Variants in SPOPL observed in about 807,000 individuals in gnomAD.
The protein encoded by SPOPL is speckle type BTB/POZ protein like, also known as speckle-type POZ protein-like.
SPOPL carries 23 observed loss-of-function variants against 53.8 expected under a neutral mutation model. The ratio of observed to expected loss-of-function variants is 0.43; its 90% CI spans 0.31 to 0.61. The LOEUF is 0.61. Ranked by LOEUF, SPOPL falls within the 20% of genes least tolerant of loss-of-function variation. The pLI, the probability that SPOPL is intolerant of heterozygous loss-of-function variation, is 0.12. For missense variants in SPOPL, 442 were observed against 466.9 expected, an observed-to-expected ratio of 0.95 and a Z score of 0.49; for synonymous variants, 164 against 149.7, an observed-to-expected ratio of 1.10 and a Z score of -0.70.
chr2:138,514,641 A>T (rs1684400846), intron 1 of SPOPL, among the ~76,000 whole-genome samples: 1 of 152,134 alleles, frequency 6.6e-6, no homozygotes. Context: ...GCCGTCATGA[A>T]TAGAGTCCCT....
intron 1 of SPOPL, among the ~76,000 whole-genome samples, chr2:138,507,733 AT>A (rs559655667): frequency 6.6e-6 from 1 of 152,008 alleles, no homozygotes; most frequent in Non-Finnish European, 1.5e-5. Flanking sequence ...TCTTTTTTGG[AT>A]TTTTTTTATT....
intron 3 of SPOPL, 103 bp from the exon 4 acceptor site, chr2:138,550,799 AC>A: frequency 1.4e-6 from 2 of 1,434,556 alleles, no homozygotes; most frequent in Non-Finnish European, 1.9e-6. Flanking sequence ...TGACATTAAC[AC>A]ATGATTTCAG....
Position 138,551,128 on chromosome 2 carries a change from A to G in SPOPL, c.352+74A>G, listed in dbSNP as rs1685306291. The G allele has an allele frequency of 2.0e-6, 3 of 1,532,342 alleles. No individual in the cohort carries two copies. In the South Asian group the frequency reaches 3.8e-5, roughly 19 times the overall value. 94.9% of individuals were successfully genotyped at this position (1,532,342 alleles called of 1,614,324 possible). A position where few individuals can be genotyped will look rare whatever the true frequency, so the allele number is the denominator to read the frequency against. On this transcript the variant is annotated intron_variant, in intron 4 of 10. Coordinates refer to ENST00000280098, the MANE Select transcript of SPOPL (RefSeq NM_001001664.3). Reference sequence around the variant, plus strand: ...TATGACTTCTTCTGCACCTTTACCTAGAAAAGTCTGGGACTTTTTTCTGCT... The same window carrying G: ...TATGACTTCTTCTGCACCTTTACCTGGAAAAGTCTGGGACTTTTTTCTGCT...
chr2:138,509,933 CT>C (rs1176477138), intron 1 of SPOPL, among the ~76,000 whole-genome samples: 2 of 152,202 alleles, frequency 1.3e-5, no homozygotes, highest in African/African-American at 4.8e-5. Flanking sequence ...CCTGCAACCC[CT>C]GACAACCATT....
chr2:138,550,031 T>A (rs185215324), intron 1 of SPOPL, 126 bp from the exon 2 acceptor site: 149 of 492,186 alleles, frequency 3.0e-4, no homozygotes, highest in Admixed American at 9.9e-4. Flanking sequence ...TATCTAAAAT[T>A]CTCACATGTT....
chr2:138,522,216 G>A (rs955019751), intron 1 of SPOPL, among the ~76,000 whole-genome samples: 4 of 152,120 alleles, frequency 2.6e-5, no homozygotes, highest in African/African-American at 7.2e-5. Flanking sequence ...CTTGAGGGGG[G>A]ATTGTTGCTT....
intron 1 of SPOPL, among the ~76,000 whole-genome samples, chr2:138,541,948 G>A (rs1330374551): frequency 2.0e-5 from 3 of 152,012 alleles, no homozygotes; most frequent in South Asian, 2.1e-4. Context: ...CTTTGTTCTC[G>A]TTGGTTTCAA....
chr2:138,508,114 T>A (rs1684253396), intron 1 of SPOPL, among the ~76,000 whole-genome samples: 1 of 152,194 alleles, frequency 6.6e-6, no homozygotes, highest in Non-Finnish European at 1.5e-5. Context: ...CCCTGATAGC[T>A]TAAATGTTAT....
At chr2:138,539,828 C>T (rs1433145585) in intron 1 of SPOPL, among the ~76,000 whole-genome samples, 1 of 152,188 alleles carries the variant, frequency 6.6e-6, no homozygotes, top group African/African-American at 2.4e-5. Flanking sequence ...CTTGCCCATG[C>T]GTATGTCCTG....
chr2:138,550,291 A>T lies in SPOPL; in HGVS notation c.75A>T (p.Thr25=), dbSNP rs776742901. The T allele has an allele frequency of 1.2e-6, 2 of 1,613,512 alleles. No homozygotes were observed. Among genetic ancestry groups the T allele is most frequent in the East Asian group, 4.5e-5 (2 of 44,862 alleles). The change falls in exon 2 of 11, where the codon ACA becomes ACT. Residue 25 remains threonine (T), a synonymous_variant. Transcript: ENST00000280098. ...CCATAGCAGAAAGCTGGTGTTACAC[A>T]CAGGTACATGCTCTTAAAAATCCCT... ...TGPIAESWCY[T]QVKVVKFSYM...
intron 1 of SPOPL, among the ~76,000 whole-genome samples, chr2:138,536,651 GT>G (rs147425780): frequency 1.3e-5 from 2 of 150,964 alleles, no homozygotes; most frequent in African/African-American, 4.9e-5. Flanking sequence ...GTCTTTTCCT[GT>G]TTTTTTTTGG....
intron 1 of SPOPL, among the ~76,000 whole-genome samples, chr2:138,547,859 G>T (rs541352952): frequency 5.9e-5 from 9 of 151,968 alleles, no homozygotes; most frequent in African/African-American, 2.2e-4. Context: ...GTCTTGTTAG[G>T]CATACTGTTT....
chr2:138,524,811 T>C (rs1345389017), intron 1 of SPOPL, among the ~76,000 whole-genome samples: 1 of 152,252 alleles, frequency 6.6e-6, no homozygotes, highest in Non-Finnish European at 1.5e-5. Flanking sequence ...ATTAGCATTT[T>C]GGTCAAAGCC....
intron 1 of SPOPL, among the ~76,000 whole-genome samples, chr2:138,503,491 G>A (rs1241389604): frequency 2.0e-5 from 3 of 152,204 alleles, no homozygotes; most frequent in South Asian, 2.1e-4. Flanking sequence ...AGACAGGAAG[G>A]TGGGAATGGA....
At chr2:138,506,667 AGGG>A (rs909812489) in intron 1 of SPOPL, among the ~76,000 whole-genome samples, 1 of 152,052 alleles carries the variant, frequency 6.6e-6, no homozygotes. Context: ...GTTTCAGGGA[AGGG>A]GGAGGTATTG....
intron 1 of SPOPL, among the ~76,000 whole-genome samples, chr2:138,526,727 ATT>A (rs34816039): frequency 2.5e-4 from 35 of 140,678 alleles, no homozygotes; most frequent in African/African-American, 5.8e-4. Flanking sequence ...AGAGTATGGA[ATT>A]TTTTTTTTTT....
chr2:138,566,403 T>G (rs1362891682), intron 10 of SPOPL, among the ~76,000 whole-genome samples: 1 of 152,192 alleles, frequency 6.6e-6, no homozygotes, highest in African/African-American at 2.4e-5. Flanking sequence ...TCAAAAAAAA[T>G]AGCTTGTTTT....
At chr2:138,527,591 TAA>T (rs1684703202) in intron 1 of SPOPL, among the ~76,000 whole-genome samples, 4 of 152,352 alleles carry the variant, frequency 2.6e-5, no homozygotes, top group Non-Finnish European at 2.9e-5. Context: ...AATTGTACTT[TAA>T]GAGAAATTTT....
rs1397750668 is a variant in SPOPL, at chr2:138,573,547, A to G, written c.*4467A>G. ...GTCTTAATTTCAGTTATCCCAGACAATTTAATCATTTGATGCTATCAGAAA... is the reference window on the plus strand; with the variant it reads ...GTCTTAATTTCAGTTATCCCAGACAGTTTAATCATTTGATGCTATCAGAAA... On this transcript the variant is annotated 3_prime_UTR_variant, in exon 11 of 11. Coordinates refer to ENST00000280098, the MANE Select transcript of SPOPL (RefSeq NM_001001664.3). 6.6e-6 allele frequency: 1 copy of G among 152,158 alleles called. No individual in the cohort carries two copies. The highest frequency in any genetic ancestry group is 1.5e-5 in the Non-Finnish European group (1 of 68,016). 9.4% of individuals were successfully genotyped at this position (152,158 alleles called of 1,614,324 possible). A position where few individuals can be genotyped will look rare whatever the true frequency, so the allele number is the denominator to read the frequency against.
Sources: allele counts gnomAD v4.1 joint callset (sites outside exome capture counted in the v4.1 genomes callset), GRCh38; gene constraint gnomAD v4.1.1; transcripts MANE v1.5; gene names NCBI Gene and HGNC (gene_info 2026-07-23, HGNC 2026-07-21).